The following EP400 variants were observed in gnomAD, a reference collection of about 807,000 sequenced individuals.
EP400 encodes E1A-binding protein p400.
A neutral mutation model predicts 354.1 loss-of-function variants in EP400; 105 were observed. The observed-to-expected ratio is 0.30, with a 90% CI of 0.25 to 0.35. The LOEUF is 0.35. Ranked by LOEUF, EP400 falls within the 10% of genes least tolerant of loss-of-function variation. The pLI, the probability that EP400 is intolerant of heterozygous loss-of-function variation, is 1.00. For synonymous variants in EP400, 1,646 were observed against 1,716.9 expected, an observed-to-expected ratio of 0.96 and a Z score of 1.02; for missense variants, 3,280 against 4,121.0, an observed-to-expected ratio of 0.80 and a Z score of 5.59.
intron 6 of EP400, among the ~76,000 whole-genome samples, chr12:131,987,050 G>A (rs748480210): frequency 1.3e-5 from 2 of 152,188 alleles, no homozygotes; most frequent in African/African-American, 2.4e-5. Flanking sequence ...GGCAGTAGAC[G>A]AGGGTGGGAG....
chr12:132,020,191 A>G lies in EP400; in HGVS notation c.4420A>G (p.Thr1474Ala), dbSNP rs538962699. ...GPLRGRPPIA[T>A]FSANPEAKAA... ...GCTTCGAGGACGGCCGCCCATCGCC[A>G]CGTTCTCTGCCAATCCGGAGGCAAA... Residue 1474 changes from threonine to alanine, a missense_variant, in exon 22 of 53, where the codon ACG becomes GCG. Around this residue, in one of 20 missense-constraint regions of EP400, gnomAD observed 342 missense variants for 342.7 expected, o/e 1.00. Coordinates refer to ENST00000389561, the MANE Select transcript of EP400 (RefSeq NM_015409.5). The G allele has an allele frequency of 1.2e-6, 2 of 1,609,404 alleles. No homozygotes were observed. The highest frequency in any genetic ancestry group is 1.7e-5 in the Admixed American group (1 of 59,248).
Position 132,027,569 on chromosome 12 carries a change from A to G in EP400, c.5109+38A>G, listed in dbSNP as rs1260341903. 6.5e-7 allele frequency: 1 copy of G among 1,543,252 alleles called. No individual in the cohort carries two copies. Among genetic ancestry groups the G allele is most frequent in the Non-Finnish European group, 8.8e-7 (1 of 1,135,452 alleles). On this transcript the variant is annotated intron_variant, in intron 26 of 52. Transcript: ENST00000389561. The surrounding 1 kb of genome is among the most constrained non-coding windows in gnomAD (Gnocchi z 4.9). The stretch of plus-strand genomic sequence containing the variant: ...GCTTGAGACCCCGGTGCACGTGGAC[A>G]GGTAGCTTTCCAAGAGCTGCTCGTT...
chr12:131,975,409 G>A (rs764471902), intron 2 of EP400, among the ~76,000 whole-genome samples: 8 of 152,160 alleles, frequency 5.3e-5, no homozygotes, highest in Non-Finnish European at 7.3e-5. Context: ...GCGCAGCTCA[G>A]TTCTTCTTAT....
Position 132,053,475 on chromosome 12 carries a change from C to A in EP400, c.7606C>A (p.Pro2536Thr). Residue 2536 changes from proline (P) to threonine (T), a missense_variant, in exon 43 of 53, where the codon CCA becomes ACA. Physicochemically the swap from Pro to Thr is conservative, Grantham distance 38. Coordinates refer to ENST00000389561, the MANE Select transcript of EP400 (RefSeq NM_015409.5). ...ACCACAGGCAGCGGGCAGCCAGCCG[C>A]CAGCAGGGCCACCAGCTGTCCAGCC... ...PQPQAAGSQP[P>T]AGPPAVQPQP... 2.0e-6 allele frequency: 3 copies of A among 1,533,918 alleles called. No homozygotes were observed. The highest frequency in any genetic ancestry group is 2.6e-6 in the Non-Finnish European group (3 of 1,145,940).
At chr12:132,002,657 A>G (rs1195867072) in intron 12 of EP400, among the ~76,000 whole-genome samples, 1 of 152,202 alleles carries the variant, frequency 6.6e-6, no homozygotes, top group African/African-American at 2.4e-5. Flanking sequence ...GGTGTCCGAG[A>G]GCAAATATCC....
At chr12:132,064,497 A>AC (rs1228998001) in intron 47 of EP400, among the ~76,000 whole-genome samples, 171 bp from the exon 48 acceptor site, 1 of 152,242 alleles carries the variant, frequency 6.6e-6, no homozygotes. Flanking sequence ...TAATAAATGA[A>AC]CACCTGGAAG....
At position 132,055,255 on chromosome 12, in the gene EP400, G is replaced by A. The variant is rs554808368; in HGVS notation, c.7884+47G>A. ...TTGTGCACCTTGACTGCATTCTGCC[G>A]AAATTATTTGCTTGTCTGTTAATTC... On this transcript the variant is annotated intron_variant, in intron 45 of 52. Coordinates refer to ENST00000389561, the MANE Select transcript of EP400 (RefSeq NM_015409.5). 3.7e-5 allele frequency: 51 copies of A among 1,390,450 alleles called. No individual in the cohort carries two copies. The Admixed American group carries it at 3.7e-4, about 10-fold the overall frequency. The allele number at this position is 1,390,450 out of a possible 1,614,324, so 86.1% of individuals were successfully genotyped here.
At chr12:131,953,806 CAG>C (rs1230527693) in intron 1 of EP400, among the ~76,000 whole-genome samples, 6 of 152,178 alleles carry the variant, frequency 3.9e-5, no homozygotes, top group African/African-American at 1.2e-4. Context: ...CAAAGATACA[CAG>C]AGATTGAAAG....
intron 2 of EP400, among the ~76,000 whole-genome samples, chr12:131,974,832 T>C (rs1395854910): frequency 6.6e-6 from 1 of 151,396 alleles, no homozygotes; most frequent in East Asian, 1.9e-4. Flanking sequence ...TACTTAAAAA[T>C]ACAAAAAATT....
At chr12:132,071,977 A>C (rs1265971828) in intron 51 of EP400, among the ~76,000 whole-genome samples, 2 of 152,160 alleles carry the variant, frequency 1.3e-5, no homozygotes, top group Non-Finnish European at 2.9e-5. Context: ...TAGTCATTGA[A>C]TCTTGTGATG....
At chr12:132,048,946 A>T (rs967260144) in intron 39 of EP400, among the ~76,000 whole-genome samples, 9 of 152,242 alleles carry the variant, frequency 5.9e-5, no homozygotes, top group African/African-American at 2.2e-4. Context: ...TTAGGAATCA[A>T]CAGAAACCTG....
chr12:131,977,558 A>G (rs965868026), intron 2 of EP400, among the ~76,000 whole-genome samples: 3 of 151,560 alleles, frequency 2.0e-5, no homozygotes, highest in South Asian at 2.1e-4. Flanking sequence ...TTGGTCATAC[A>G]TGTTCATTAT....
At position 132,045,848 on chromosome 12, in the gene EP400, A is replaced by G. The variant is rs758012019; in HGVS notation, c.7148A>G (p.Lys2383Arg). Residue 2383 changes from lysine (K) to arginine (R), a missense_variant, in exon 39 of 53, where the codon AAA becomes AGA. Lys to Arg is a conservative substitution (Grantham distance 26, BLOSUM62 2). This residue lies in a region of EP400 where 84 missense variants were observed against 133.0 expected (regional missense o/e 0.63). Coordinates refer to ENST00000389561, the MANE Select transcript of EP400 (RefSeq NM_015409.5). ...NSCSRIYRSS[K>R]QCRNRYENVI... The stretch of plus-strand genomic sequence containing the variant: ...TGTAGCCGAATCTACCGCTCTTCCA[A>G]ACAGTGCCGGAATCGCTACGAGAAT... 1.2e-6 allele frequency: 2 copies of G among 1,614,204 alleles called. No homozygotes were observed. The highest frequency in any genetic ancestry group is 1.1e-5 in the South Asian group (1 of 91,088).
At chr12:132,031,491 C>T (rs542582656) in intron 29 of EP400, 5 of 431,448 alleles carry the variant, frequency 1.2e-5, no homozygotes, top group African/African-American at 6.1e-5. Context: ...GAATACAGTG[C>T]GGGGACCTTG....
intron 12 of EP400, among the ~76,000 whole-genome samples, chr12:131,995,460 A>T (rs1447457062): frequency 1.3e-5 from 2 of 150,506 alleles, no homozygotes; most frequent in African/African-American, 4.9e-5. Flanking sequence ...TGTACCGTTC[A>T]TCTTGAGTGT....
rs747008281 is a variant in EP400, at chr12:131,994,824, A to G, written c.2738-43A>G. 1.5e-5 allele frequency: 24 copies of G among 1,549,280 alleles called. No homozygotes were observed. Among genetic ancestry groups the G allele is most frequent in the Non-Finnish European group, 2.1e-5 (24 of 1,122,432 alleles). ...GTGTGTAATGAGTAACAGACACTCA[A>G]GTGGTGTTGCCTCTCAGTGACACTT... On this transcript the variant is annotated intron_variant, in intron 11 of 52. Transcript: ENST00000389561. The surrounding 1 kb of genome is among the most constrained non-coding windows in gnomAD (Gnocchi z 4.6).
At position 132,018,146 on chromosome 12, in the gene EP400, TTTGA is replaced by T; in HGVS notation, c.4111-61_4111-58del. ...TTAGGGCCCTGCCATAGAAATCAGTTTTGATTCTTAGGTGCTTTTTTTGCCTCTT... is the reference window on the plus strand; with the variant it reads ...TTAGGGCCCTGCCATAGAAATCAGTTTTCTTAGGTGCTTTTTTTGCCTCTT... On this transcript the variant is annotated intron_variant, in intron 20 of 52. Transcript: ENST00000389561. The surrounding 1 kb of genome is among the most constrained non-coding windows in gnomAD (Gnocchi z 4.0). 1 of 1,592,162 alleles carries T rather than the reference TTTGA, an allele frequency of 6.3e-7. No individual in the cohort carries two copies. The highest frequency in any genetic ancestry group is 8.5e-7 in the Non-Finnish European group (1 of 1,173,272).
chr12:131,997,406 C>A (rs932170599), intron 12 of EP400, among the ~76,000 whole-genome samples: 1 of 151,790 alleles, frequency 6.6e-6, no homozygotes, highest in Non-Finnish European at 1.5e-5. Context: ...GTAGCTGGGA[C>A]TATAGTGCGC....
rs1044465172 is a variant in EP400, at chr12:132,045,873, T to C, written c.7173T>C (p.Asn2391=). 2.5e-6 allele frequency: 4 copies of C among 1,614,122 alleles called. No individual in the cohort carries two copies. The highest frequency in any genetic ancestry group is 1.7e-5 in the Admixed American group (1 of 60,008). Residue 2391 remains asparagine, a synonymous_variant, in exon 39 of 53, where the codon AAT becomes AAC. Coordinates refer to ENST00000389561, the MANE Select transcript of EP400 (RefSeq NM_015409.5). ...AACAGTGCCGGAATCGCTACGAGAA[T>C]GTCATCATTCCACGAGAGGAGGGGA... The part of the protein sequence containing the change: ...SSKQCRNRYE[N]VIIPREEGKS...
Sources: allele counts gnomAD v4.1 joint callset (sites outside exome capture counted in the v4.1 genomes callset), GRCh38; gene constraint gnomAD v4.1.1; regional missense constraint gnomAD v4.1.1; non-coding constraint Gnocchi (gnomAD v3.1); transcripts MANE v1.5; gene names NCBI Gene and HGNC (gene_info 2026-07-23, HGNC 2026-07-21).